Variants in XKR4 observed in about 807,000 individuals in gnomAD.
The protein encoded by XKR4 is XK related 4.
A neutral mutation model predicts 53.9 loss-of-function variants in XKR4; 12 were observed. That is an observed-to-expected ratio of 0.22 (90% CI 0.14 to 0.36). XKR4 has a LOEUF of 0.36. Among genes scored for constraint, XKR4 ranks in the 10% least tolerant of loss-of-function variants. The pLI, the probability that XKR4 is intolerant of heterozygous loss-of-function variation, is 1.00. For missense variants in XKR4, 799 were observed against 859.5 expected, an observed-to-expected ratio of 0.93 and a Z score of 0.88; for synonymous variants, 354 against 362.4, an observed-to-expected ratio of 0.98 and a Z score of 0.26.
At chr8:55,387,890 G>T (rs1370969615) in intron 2 of XKR4, among the ~76,000 whole-genome samples, 1 of 152,180 alleles carries the variant, frequency 6.6e-6, no homozygotes. Context: ...CTGTCACACT[G>T]AGCTGAGAGA....
chr8:55,451,978 G>C, intron 2 of XKR4: 1 of 775,122 alleles, frequency 1.3e-6, no homozygotes, highest in Non-Finnish European at 2.4e-6. Context: ...TACTTCTTGC[G>C]AGTGACATGC....
intron 2 of XKR4, among the ~76,000 whole-genome samples, chr8:55,511,670 A>G (rs992043897): frequency 6.6e-6 from 1 of 152,214 alleles, no homozygotes. Flanking sequence ...TTTTTCCAAC[A>G]AAGTGGACTC....
intron 2 of XKR4, among the ~76,000 whole-genome samples, chr8:55,404,208 T>C (rs1041165636): frequency 5.3e-5 from 8 of 152,212 alleles, no homozygotes; most frequent in African/African-American, 1.7e-4. Flanking sequence ...TGTAAGGAGA[T>C]AGATTAGATA....
intron 1 of XKR4, among the ~76,000 whole-genome samples, chr8:55,244,730 T>C (rs1414809985): frequency 2.0e-5 from 3 of 152,150 alleles, no homozygotes; most frequent in East Asian, 1.9e-4. Flanking sequence ...GCATCTGTTA[T>C]TTTTTGACTT....
At chr8:55,221,750 C>T (rs989431984) in intron 1 of XKR4, among the ~76,000 whole-genome samples, 16 of 152,186 alleles carry the variant, frequency 1.1e-4, no homozygotes, top group African/African-American at 3.4e-4. Flanking sequence ...TCACTGGACT[C>T]GCTCGCTGTC....
intron 1 of XKR4, among the ~76,000 whole-genome samples, chr8:55,177,040 C>CTT (rs1227604133): frequency 2.8e-5 from 4 of 144,000 alleles, no homozygotes; most frequent in Non-Finnish European, 6.1e-5. Context: ...TCTTCTTCTT[C>CTT]TTTTTTTTTT....
chr8:55,488,937 CAAAAAAAAAAAAA>C (rs1178202704), intron 2 of XKR4, among the ~76,000 whole-genome samples: 13 of 918 alleles, frequency 0.014, 5 homozygotes, highest in Admixed American at 0.12. Flanking sequence ...GACTCCGTTT[CAAAAAAAAAAAAA>C]AAAAAAAAAA....
At chr8:55,479,299 T>A (rs371629529) in intron 2 of XKR4, among the ~76,000 whole-genome samples, 3 of 151,892 alleles carry the variant, frequency 2.0e-5, no homozygotes, top group Admixed American at 6.6e-5. Flanking sequence ...CTGAATGACT[T>A]CTGGGTACAT....
At chr8:55,475,045 AC>A in intron 2 of XKR4, among the ~76,000 whole-genome samples, 1 of 152,268 alleles carries the variant, frequency 6.6e-6, no homozygotes, top group South Asian at 2.1e-4. Context: ...ACAACTAAAA[AC>A]AATAACCTAA....
intron 2 of XKR4, among the ~76,000 whole-genome samples, chr8:55,424,157 G>A (rs1433190728): frequency 6.6e-6 from 1 of 152,108 alleles, no homozygotes; most frequent in Non-Finnish European, 1.5e-5. Context: ...CTGTACCCCA[G>A]GAATCAGTTT....
At chr8:55,228,064 G>A (rs752282792) in intron 1 of XKR4, among the ~76,000 whole-genome samples, 1 of 152,050 alleles carries the variant, frequency 6.6e-6, no homozygotes, top group South Asian at 2.1e-4. Context: ...GCACCACCAC[G>A]CCCAGCTAAT....
At chr8:55,190,355 G>A (rs1371911135) in intron 1 of XKR4, among the ~76,000 whole-genome samples, 1 of 152,202 alleles carries the variant, frequency 6.6e-6, no homozygotes, top group Non-Finnish European at 1.5e-5. Flanking sequence ...CCTTGCCAGT[G>A]GTCATAGCTC....
intron 2 of XKR4, among the ~76,000 whole-genome samples, chr8:55,437,438 A>C (rs770234423): frequency 2.0e-5 from 3 of 152,158 alleles, no homozygotes; most frequent in Non-Finnish European, 4.4e-5. Flanking sequence ...CAGTCTAGGG[A>C]TTCTGACCTA....
At chr8:55,459,125 C>T (rs888809837) in intron 2 of XKR4, among the ~76,000 whole-genome samples, 8 of 152,120 alleles carry the variant, frequency 5.3e-5, no homozygotes, top group Non-Finnish European at 1.2e-4. Flanking sequence ...TAAACTCTTA[C>T]CTTTATGGTC....
chr8:55,363,538 G>A (rs1344348936), intron 2 of XKR4, among the ~76,000 whole-genome samples: 1 of 152,144 alleles, frequency 6.6e-6, no homozygotes, highest in African/African-American at 2.4e-5. Flanking sequence ...CACCTCATTT[G>A]TCCTCTCCTG....
chr8:55,272,960 A>G (rs969595132), intron 1 of XKR4: 14 of 443,986 alleles, frequency 3.2e-5, no homozygotes, highest in Middle Eastern at 6.6e-4. Context: ...CTACATTGGA[A>G]CAATTAACTG....
In XKR4 at chr8:55,391,515, A is replaced by T. The variant is rs149468675; in HGVS notation, c.1006+33638A>T. ...GTTAAAAACTGCAAAATTCAAAGAA[A>T]AATATGTATGGTATATATCCTTTAT... On this transcript the variant is annotated intron_variant, in intron 2 of 2. Transcript: ENST00000327381. Among the ~76,000 whole-genome samples, 1,129 of 152,342 alleles carry T rather than the reference A, an allele frequency of 7.4e-3. 8 individuals are homozygous for T. Among genetic ancestry groups the T allele is most frequent in the Middle Eastern group, 0.017 (5 of 294 alleles).
rs888141235 is a variant in XKR4 at position 55,319,412 on chromosome 8, T to C, written c.807-38266T>C. Among the ~76,000 whole-genome samples the C allele has an allele frequency of 2.0e-5, 3 of 152,244 alleles. No individual in the cohort carries two copies. The South Asian group carries it at 6.2e-4, about 31-fold the overall frequency. On this transcript the variant is annotated intron_variant, in intron 1 of 2. Coordinates refer to ENST00000327381, the MANE Select transcript of XKR4 (RefSeq NM_052898.2). ...CTAAATTCATTTCATGTATCAAATA[T>C]GTCACTCTTTTGATGCACATACCAT...
chr8:55,261,769 C>T (rs922815071), intron 1 of XKR4, among the ~76,000 whole-genome samples: 26 of 151,780 alleles, frequency 1.7e-4, no homozygotes, highest in African/African-American at 5.3e-4. Context: ...CATGGAAATT[C>T]GAGGAATTTA....
Sources: gnomAD v4.1 joint callset for allele counts (sites outside exome capture counted in the v4.1 genomes callset) on GRCh38, gnomAD v4.1.1 for gene constraint, MANE v1.5 for transcripts, NCBI Gene and HGNC (gene_info 2026-07-23, HGNC 2026-07-21) for gene names.